The following CDH13 variants were observed in gnomAD, a reference collection of about 807,000 sequenced individuals.
CDH13 encodes cadherin-13.
A neutral mutation model predicts 63.8 loss-of-function variants in CDH13; 24 were observed. That is an observed-to-expected ratio of 0.38 (90% CI 0.27 to 0.53). The LOEUF (loss-of-function observed/expected upper bound fraction) is 0.53, where lower values mean the gene tolerates loss of function less well. CDH13 is among the 20% of genes least tolerant of loss of function. The pLI is 0.85. For missense variants in CDH13, 1,049 were observed against 903.1 expected (o/e 1.16, Z -2.07); for synonymous variants, 503 against 355.3 (o/e 1.42, Z -4.67).
chr16:82,702,834 C>T (rs369437205), intron 1 of CDH13, among the ~76,000 whole-genome samples: 3 of 152,156 alleles, frequency 2.0e-5, no homozygotes, highest in African/African-American at 7.2e-5. Context: ...CCTCATCAGG[C>T]ACAGCTTAGT....
chr16:83,060,090 G>A (rs571451088), intron 3 of CDH13, among the ~76,000 whole-genome samples: 179 of 152,064 alleles, frequency 1.2e-3, no homozygotes, highest in African/African-American at 3.9e-3. Flanking sequence ...CACCGCACCC[G>A]GCCTACTTTT....
At chr16:83,029,977 G>A (rs1322506628) in intron 2 of CDH13, among the ~76,000 whole-genome samples, 1 of 152,168 alleles carries the variant, frequency 6.6e-6, no homozygotes. Flanking sequence ...AGGCAGACAG[G>A]CAAATGCATG....
At chr16:82,885,882 A>G (rs1233964420) in intron 2 of CDH13, among the ~76,000 whole-genome samples, 1 of 152,208 alleles carries the variant, frequency 6.6e-6, no homozygotes, top group African/African-American at 2.4e-5. Flanking sequence ...TATAATCCAT[A>G]TAAGATACTT....
At chr16:82,751,955 G>C (rs1393762325) in intron 1 of CDH13, among the ~76,000 whole-genome samples, 2 of 152,158 alleles carry the variant, frequency 1.3e-5, no homozygotes, top group Non-Finnish European at 2.9e-5. Flanking sequence ...GGTTGTATCT[G>C]TCTTCCAGAA....
chr16:82,835,949 T>G (rs1316019903), intron 1 of CDH13, among the ~76,000 whole-genome samples: 2 of 152,128 alleles, frequency 1.3e-5, no homozygotes, highest in African/African-American at 2.4e-5. Flanking sequence ...GCTCCTCAAG[T>G]AGCAAAGTCT....
chr16:83,628,676 T>G (rs1462139005), intron 8 of CDH13, among the ~76,000 whole-genome samples: 1 of 152,204 alleles, frequency 6.6e-6, no homozygotes, highest in Non-Finnish European at 1.5e-5. Context: ...TAGTCGGTAT[T>G]TCAATAGGAG....
At chr16:83,583,033 GGCCTT>G (rs1905776968) in intron 7 of CDH13, among the ~76,000 whole-genome samples, 1 of 152,278 alleles carries the variant, frequency 6.6e-6, no homozygotes, top group South Asian at 2.1e-4. Context: ...AGTGTTGGTA[GGCCTT>G]GCTGTCTCTC....
intron 3 of CDH13, among the ~76,000 whole-genome samples, chr16:83,088,310 A>G (rs2033715880): frequency 6.6e-6 from 1 of 152,152 alleles, no homozygotes; most frequent in Non-Finnish European, 1.5e-5. Context: ...CTTATAACTC[A>G]CAGAGCTATG....
chr16:83,779,025 T>C (rs1915318167), intron 11 of CDH13, among the ~76,000 whole-genome samples: 1 of 152,238 alleles, frequency 6.6e-6, no homozygotes, highest in East Asian at 1.9e-4. Flanking sequence ...ATTCTTTGAA[T>C]AGATTTCAGT....
chr16:83,635,280 C>T (rs8054448), intron 8 of CDH13, among the ~76,000 whole-genome samples: 146,505 of 149,768 alleles, frequency 0.98, 71,743 homozygotes, highest in East Asian at 1. Flanking sequence ...TTTTTTGTTT[C>T]GTTTTGTTTT....
At chr16:82,634,918 C>A (rs1305094069) in intron 1 of CDH13, among the ~76,000 whole-genome samples, 6 of 152,174 alleles carry the variant, frequency 3.9e-5, no homozygotes, top group South Asian at 4.2e-4. Context: ...TTCCAAGCAC[C>A]ACTTGTGTGT....
At chr16:83,489,945 G>A (rs1365901215) in intron 7 of CDH13, among the ~76,000 whole-genome samples, 2 of 151,134 alleles carry the variant, frequency 1.3e-5, no homozygotes, top group African/African-American at 2.4e-5. Context: ...ATTGCGTGTT[G>A]GAACAATGAA....
chr16:83,546,429 GT>G (rs57567072), intron 7 of CDH13, among the ~76,000 whole-genome samples: 47,517 of 143,372 alleles, frequency 0.33, 8,433 homozygotes, highest in East Asian at 0.42. Flanking sequence ...CATACTACTG[GT>G]TTTTTTTTTT....
rs145607509 is a variant in CDH13, at chr16:82,751,485, A to C, written c.46-106877A>C. Among the ~76,000 whole-genome samples, 59 of 152,124 alleles carry C rather than the reference A, an allele frequency of 3.9e-4. No homozygotes were observed. In the East Asian group the frequency reaches 0.01, roughly 27 times the overall value. On this transcript the variant is annotated intron_variant, in intron 1 of 13. Coordinates refer to ENST00000567109, the MANE Select transcript of CDH13 (RefSeq NM_001257.5). Reference sequence around the variant, plus strand: ...TACACAAGGCACACACTGACCTCCTACTACAGCACCTCATTGCAACTAGCA... The same window carrying C: ...TACACAAGGCACACACTGACCTCCTCCTACAGCACCTCATTGCAACTAGCA...
chr16:83,437,933 C>G (rs2072361485), intron 6 of CDH13, among the ~76,000 whole-genome samples: 1 of 152,120 alleles, frequency 6.6e-6, no homozygotes, highest in South Asian at 2.1e-4. Context: ...TCTGCTTCCT[C>G]AAGATCTCTT....
At chr16:83,192,711 C>G (rs1173728303) in intron 4 of CDH13, among the ~76,000 whole-genome samples, 1 of 152,080 alleles carries the variant, frequency 6.6e-6, no homozygotes, top group African/African-American at 2.4e-5. Flanking sequence ...AAGCCGTTCC[C>G]ATGGCTGTGA....
intron 2 of CDH13, among the ~76,000 whole-genome samples, chr16:82,948,868 A>G (rs1030596285): frequency 6.6e-6 from 1 of 152,200 alleles, no homozygotes; most frequent in Non-Finnish European, 1.5e-5. Flanking sequence ...TACTGAACAC[A>G]TTTTAATGAG....
intron 7 of CDH13, among the ~76,000 whole-genome samples, chr16:83,525,343 G>A (rs1031534581): frequency 1.3e-4 from 20 of 152,336 alleles, no homozygotes; most frequent in East Asian, 3.9e-4. Flanking sequence ...GGACAACAAC[G>A]TAAAATAAGC....
At chr16:83,189,470 A>C (rs2038628825) in intron 4 of CDH13, among the ~76,000 whole-genome samples, 2 of 152,212 alleles carry the variant, frequency 1.3e-5, no homozygotes, top group Admixed American at 1.3e-4. Flanking sequence ...GTTGCTGGAA[A>C]GTGGTACTGT....
Sources: gnomAD v4.1 joint callset for allele counts (sites outside exome capture counted in the v4.1 genomes callset) on GRCh38, gnomAD v4.1.1 for gene constraint, MANE v1.5 for transcripts, NCBI Gene and HGNC (gene_info 2026-07-23, HGNC 2026-07-21) for gene names.